INTS2: variants seen among roughly 807,000 people sequenced by gnomAD.
INTS2 encodes KIAA1287.
In INTS2, 57 loss-of-function variants were observed where a neutral mutation model predicts 139.6. The ratio of observed to expected loss-of-function variants is 0.41; its 90% CI spans 0.33 to 0.51. The LOEUF is 0.51. Among genes scored for constraint, INTS2 ranks in the 20% least tolerant of loss-of-function variants. The probability of loss-of-function intolerance (pLI) is 0.28; values close to 1 mark genes in which losing one functional copy is unlikely to be tolerated. For missense variants in INTS2, 1,196 were observed against 1,436.7 expected (o/e 0.83, Z 2.71); for synonymous variants, 473 against 493.4 (o/e 0.96, Z 0.55).
Position 61,867,777 on chromosome 17 carries a change from T to C in INTS2, c.3422-51A>G. On this transcript the variant is annotated intron_variant, in intron 24 of 24. Coordinates refer to ENST00000251334, the MANE Select transcript of INTS2 (RefSeq NM_001351695.2). The surrounding 1 kb of genome is among the most constrained non-coding windows in gnomAD (Gnocchi z 5.6). ...TAAGGCCAAGAAATTTGGAAAGGAA[T>C]TTGGCCTTTTTGTTTGAGATATTAA... 1 of 1,560,072 alleles carries C rather than the reference T, an allele frequency of 6.4e-7. No homozygotes were observed. Among genetic ancestry groups the C allele is most frequent in the Non-Finnish European group, 8.7e-7 (1 of 1,155,008 alleles).
At position 61,869,061 on chromosome 17, in the gene INTS2, C is replaced by G. The variant is rs772630844; in HGVS notation, c.3217G>C (p.Val1073Leu). 6.2e-7 allele frequency: 1 copy of G among 1,610,428 alleles called. No homozygotes were observed. Among genetic ancestry groups the G allele is most frequent in the Non-Finnish European group, 8.5e-7 (1 of 1,177,036 alleles). Reference sequence around the variant, plus strand: ...GTTAACAAAGTTCCCATGACATTGACAGCTAAACGAGCCACACTAAGTGAC... The same window carrying G: ...GTTAACAAAGTTCCCATGACATTGAGAGCTAAACGAGCCACACTAAGTGAC... The part of the protein sequence containing the change: ...PKSLSVARLA[V>L]NVMGTLLTVL... Residue 1073 changes from valine (V) to leucine (L), a missense_variant, in exon 23 of 25, where the codon GTC (valine) becomes CTC (leucine). Transcript: ENST00000251334. This position sits in a 1 kb window ranked among gnomAD's most constrained non-coding sequence, Gnocchi z 5.4.
At position 61,926,638 on chromosome 17, in the gene INTS2, C is replaced by G; in HGVS notation, c.7G>C (p.Glu3Gln). ...CTGACAAACTGAAGACTTGTACATT[C>G]AGTCATTATTACTGTTTGTTGATCC... MT[E>Q]CTSLQFVSPF... The change falls in exon 2 of 25, where the codon GAA becomes CAA. Residue 3 changes from glutamate to glutamine, a missense_variant. Glu to Gln is a conservative substitution (Grantham distance 29, BLOSUM62 2). Around this residue, in one of 3 missense-constraint regions of INTS2, gnomAD observed 36 missense variants for 30.1 expected, o/e 1.19. Transcript: ENST00000251334. 6.2e-7 allele frequency: 1 copy of G among 1,607,568 alleles called. No individual in the cohort carries two copies. The highest frequency in any genetic ancestry group is 8.5e-7 in the Non-Finnish European group (1 of 1,176,642).
At chr17:61,889,050 A>G (rs1182929812) in intron 15 of INTS2, among the ~76,000 whole-genome samples, 1 of 150,686 alleles carries the variant, frequency 6.6e-6, no homozygotes, top group Admixed American at 6.6e-5. Flanking sequence ...CAAAAAACAA[A>G]AAACAAACCA....
chr17:61,869,002 C>A lies in INTS2; in HGVS notation c.3244+32G>T, dbSNP rs2079067323. On this transcript the variant is annotated intron_variant, in intron 23 of 24. Transcript: ENST00000251334. The surrounding 1 kb of genome is among the most constrained non-coding windows in gnomAD (Gnocchi z 5.4). The stretch of plus-strand genomic sequence containing the variant: ...ATATAGGAACTATAATAATTTATGT[C>A]AGATGTTTGTTGATGTTGATTGGCT... 1.7e-6 allele frequency: 2 copies of A among 1,198,678 alleles called. No individual in the cohort carries two copies. Among genetic ancestry groups the A allele is most frequent in the South Asian group, 1.3e-5 (1 of 78,716 alleles). 74.3% of individuals were successfully genotyped at this position (1,198,678 alleles called of 1,614,324 possible). A position where few individuals can be genotyped will look rare whatever the true frequency, so the allele number is the denominator to read the frequency against.
rs183021523 is a variant in INTS2, at chr17:61,873,231, A to G, written c.2583-771T>C. 3.6e-3 allele frequency among the ~76,000 whole-genome samples: 545 copies of G among 152,270 alleles called. 5 individuals are homozygous for G. Among genetic ancestry groups the G allele is most frequent in the African/African-American group, 0.013 (527 of 41,552 alleles). ...ATGGAATACCATATAGCCAATTAAG[A>G]TAAGAATATAAACTAGGCACAGCAG... On this transcript the variant is annotated intron_variant, in intron 19 of 24. Coordinates refer to ENST00000251334, the MANE Select transcript of INTS2 (RefSeq NM_001351695.2). This position sits in a 1 kb window ranked among gnomAD's most constrained non-coding sequence, Gnocchi z 4.0.
In INTS2 at chr17:61,866,691, T is replaced by C. The variant is rs1266105799; in HGVS notation, c.*866A>G. ...GAGCTCTTTAATCCAGTGGGTTTTA[T>C]TGCTCTACCTTCATTTAATTTGATA... On this transcript the variant is annotated 3_prime_UTR_variant, in exon 25 of 25. Coordinates refer to ENST00000251334, the MANE Select transcript of INTS2 (RefSeq NM_001351695.2). 6.6e-6 allele frequency: 1 copy of C among 152,208 alleles called. No homozygotes were observed. Among genetic ancestry groups the C allele is most frequent in the Non-Finnish European group, 1.5e-5 (1 of 68,044 alleles). 9.4% of individuals were successfully genotyped at this position (152,208 alleles called of 1,614,324 possible).
chr17:61,916,248 CA>C (rs914310089), intron 5 of INTS2, among the ~76,000 whole-genome samples: 5 of 151,996 alleles, frequency 3.3e-5, no homozygotes, highest in African/African-American at 1.2e-4. Flanking sequence ...TCCTGGCTAA[CA>C]CAGTGAAACC....
intron 9 of INTS2, among the ~76,000 whole-genome samples, chr17:61,902,120 T>G (rs1263303951): frequency 1.3e-5 from 2 of 152,152 alleles, no homozygotes; most frequent in African/African-American, 4.8e-5. Flanking sequence ...TGGTCCTTTG[T>G]GTGGCCTATT....
At chr17:61,914,446 TC>T (rs953669214) in intron 5 of INTS2, among the ~76,000 whole-genome samples, 1 of 151,992 alleles carries the variant, frequency 6.6e-6, no homozygotes, top group African/African-American at 2.4e-5. Context: ...ACGCCTATAA[TC>T]CCAGCACTTT....
At position 61,871,481 on chromosome 17, in the gene INTS2, C is replaced by G. The variant is rs1486719276; in HGVS notation, c.2778+784G>C. Among the ~76,000 whole-genome samples the G allele has an allele frequency of 2.6e-5, 4 of 152,116 alleles. No individual in the cohort carries two copies. The highest frequency in any genetic ancestry group is 5.9e-5 in the Non-Finnish European group (4 of 68,012). On this transcript the variant is annotated intron_variant, in intron 20 of 24. Transcript: ENST00000251334. The surrounding 1 kb of genome is among the most constrained non-coding windows in gnomAD (Gnocchi z 4.9). ...ATATTGTCATGGTATTTATCACTGC[C>G]TGACATTTTATTATACATGCAGTTG...
Position 61,921,692 on chromosome 17 carries a change from ATATGAAATCCATCTTAGCACTCAG to A in INTS2, c.535+9_535+32del. ...ACAGTATCATTTAACAAGAAACTATATATGAAATCCATCTTAGCACTCAGTACAGTACCTGCTTGTAAAATACAA... is the reference window on the plus strand; with the variant it reads ...ACAGTATCATTTAACAAGAAACTATATACAGTACCTGCTTGTAAAATACAA... On this transcript the variant is annotated intron_variant, in intron 4 of 24. Transcript: ENST00000251334. 7 of 1,062,478 alleles carry A rather than the reference ATATGAAATCCATCTTAGCACTCAG, an allele frequency of 6.6e-6. No homozygotes were observed. Among genetic ancestry groups the A allele is most frequent in the Non-Finnish European group, 9.6e-6 (7 of 726,002 alleles). The allele number at this position is 1,062,478 out of a possible 1,614,324, so 65.8% of individuals were successfully genotyped here. A position where few individuals can be genotyped will look rare whatever the true frequency, so the allele number is the denominator to read the frequency against.
rs567599479 is a variant in INTS2 at position 61,904,385 on chromosome 17, T to G, written c.1307+75A>C. 6.4e-5 allele frequency: 68 copies of G among 1,066,926 alleles called. No individual in the cohort carries two copies. In the South Asian group the frequency reaches 9.6e-4, roughly 15 times the overall value. The allele number at this position is 1,066,926 out of a possible 1,614,324, so 66.1% of individuals were successfully genotyped here. On this transcript the variant is annotated intron_variant, in intron 9 of 24. Coordinates refer to ENST00000251334, the MANE Select transcript of INTS2 (RefSeq NM_001351695.2). Reference sequence around the variant, plus strand: ...GACCAGCTTTTGTAGAAAACTCTTATCTAATGCTATACAATTTTATTGAGT... The same window carrying G: ...GACCAGCTTTTGTAGAAAACTCTTAGCTAATGCTATACAATTTTATTGAGT...
intron 1 of INTS2, chr17:61,927,341 G>A (rs755798456): frequency 4.9e-5 from 8 of 161,896 alleles, no homozygotes; most frequent in Non-Finnish European, 1.1e-4. Flanking sequence ...TCTGTCTCCA[G>A]GAATCATCCA....
intron 7 of INTS2, 117 bp from the exon 8 acceptor site, chr17:61,907,751 G>T: frequency 1.4e-6 from 1 of 721,538 alleles, no homozygotes; most frequent in Non-Finnish European, 2.3e-6. Flanking sequence ...TGAAGAGATT[G>T]TCGTGACTAC....
chr17:61,881,065 T>C lies in INTS2; in HGVS notation c.2196A>G (p.Leu732=), dbSNP rs2079173854. 6.2e-7 allele frequency: 1 copy of C among 1,613,732 alleles called. No homozygotes were observed. Among genetic ancestry groups the C allele is most frequent in the African/African-American group, 1.3e-5 (1 of 74,928 alleles). Residue 732 remains leucine (L), a synonymous_variant, in exon 17 of 25, where the codon CTA becomes CTG. Transcript: ENST00000251334. Reference sequence around the variant, plus strand: ...CATTATTAGTCAGGAGCATTCGCCGTAGCAGGGCATCAGTCCCTGTGATTT... The same window carrying C: ...CATTATTAGTCAGGAGCATTCGCCGCAGCAGGGCATCAGTCCCTGTGATTT... ...EEEITGTDAL[L]RRMLLTNNAK...
intron 9 of INTS2, among the ~76,000 whole-genome samples, chr17:61,903,334 G>A (rs2079428547): frequency 6.6e-6 from 1 of 151,238 alleles, no homozygotes; most frequent in African/African-American, 2.4e-5. Context: ...GGGACTACAG[G>A]TGTGAGCCAC....
At chr17:61,895,678 A>ATG (rs911744937) in intron 11 of INTS2, among the ~76,000 whole-genome samples, 15 of 151,948 alleles carry the variant, frequency 9.9e-5, no homozygotes, top group Admixed American at 2.6e-4. Context: ...CAAGAGAAAT[A>ATG]TGTGTGTGTG....
intron 9 of INTS2, among the ~76,000 whole-genome samples, chr17:61,902,496 G>C (rs1003838925): frequency 6.6e-6 from 1 of 151,970 alleles, no homozygotes; most frequent in South Asian, 2.1e-4. Context: ...GTGTACAATT[G>C]AGTGGTTTTT....
chr17:61,880,853 C>A (rs989025021), intron 17 of INTS2, among the ~76,000 whole-genome samples, 154 bp downstream of exon 17: 1 of 152,000 alleles, frequency 6.6e-6, no homozygotes, highest in African/African-American at 2.4e-5. Context: ...CATAAAATTC[C>A]TTAAACGCAA....
Sources: allele counts gnomAD v4.1 joint callset (sites outside exome capture counted in the v4.1 genomes callset), GRCh38; gene constraint gnomAD v4.1.1; regional missense constraint gnomAD v4.1.1; non-coding constraint Gnocchi (gnomAD v3.1); transcripts MANE v1.5; gene names NCBI Gene and HGNC (gene_info 2026-07-23, HGNC 2026-07-21).